The following FILIP1L variants were observed in gnomAD, a reference collection of about 807,000 sequenced individuals.
FILIP1L encodes the protein filamin A-interacting protein 1-like.
Under a neutral mutation model 96.6 loss-of-function variants are expected in FILIP1L, and 55 were observed. The observed-to-expected ratio is 0.57, with a 90% CI of 0.46 to 0.71. The LOEUF (loss-of-function observed/expected upper bound fraction) is 0.71, where lower values mean the gene tolerates loss of function less well. Ranked by LOEUF, FILIP1L falls within the 30% of genes least tolerant of loss-of-function variation. The pLI is 0.00. For synonymous variants in FILIP1L, 467 were observed against 473.9 expected (o/e 0.99, Z 0.19); for missense variants, 1,304 against 1,321.2 (o/e 0.99, Z 0.20).
At chr3:99,983,398 AT>A (rs1709195219) in intron 1 of FILIP1L, among the ~76,000 whole-genome samples, 1 of 109,852 alleles carries the variant, frequency 9.1e-6, no homozygotes, top group Non-Finnish European at 1.8e-5. Context: ...AAATATATAT[AT>A]ATATATATAT....
In FILIP1L at chr3:99,829,286, C is replaced by A. The variant is rs1048686835; in HGVS notation, c.*1128G>T. On this transcript the variant is annotated 3_prime_UTR_variant, in exon 6 of 6. Coordinates refer to ENST00000477258, the MANE Select transcript of FILIP1L (RefSeq NM_001387850.1). ...ATGTTTTTTGAACTGCCTTTTGTGT[C>A]AAACATGCCTTGTCTTAAAATGTCC... 1.3e-5 allele frequency among the ~76,000 whole-genome samples: 2 copies of A among 152,094 alleles called. No individual in the cohort carries two copies. Among genetic ancestry groups the A allele is most frequent in the African/African-American group, 4.8e-5 (2 of 41,386 alleles).
At chr3:100,008,511 G>A (rs1003365808) in intron 1 of FILIP1L, among the ~76,000 whole-genome samples, 10 of 152,168 alleles carry the variant, frequency 6.6e-5, no homozygotes, top group Admixed American at 2.0e-4. Flanking sequence ...AGAATTTAGA[G>A]GAAGTGCTGG....
intron 1 of FILIP1L, among the ~76,000 whole-genome samples, chr3:100,079,124 C>T (rs1259655285): frequency 6.6e-6 from 1 of 152,168 alleles, no homozygotes; most frequent in East Asian, 1.9e-4. Context: ...CCAGGCCTCT[C>T]TCCCCAGTCC....
At chr3:100,111,993 C>T (rs2066499319) in intron 1 of FILIP1L, among the ~76,000 whole-genome samples, 1 of 152,164 alleles carries the variant, frequency 6.6e-6, no homozygotes, top group Admixed American at 6.6e-5. Flanking sequence ...CCATGTTTGC[C>T]TCATTCACTG....
intron 1 of FILIP1L, among the ~76,000 whole-genome samples, chr3:99,983,462 GTGTATATATATATATATATA>G (rs1293364566): frequency 1.3e-3 from 15 of 11,998 alleles, no homozygotes; most frequent in East Asian, 7.8e-3. Context: ...ATATATATGT[GTGTATATATATATATATATA>G]TATATATATA....
intron 1 of FILIP1L, among the ~76,000 whole-genome samples, chr3:100,020,212 C>G (rs1163152151): frequency 6.6e-6 from 1 of 152,078 alleles, no homozygotes; most frequent in Admixed American, 6.6e-5. Flanking sequence ...GCTCCCACAC[C>G]CTCTTTCTGT....
intron 1 of FILIP1L, among the ~76,000 whole-genome samples, chr3:100,080,965 A>T (rs989897839): frequency 1.3e-5 from 2 of 152,224 alleles, no homozygotes; most frequent in Non-Finnish European, 2.9e-5. Context: ...CTGTGTTTGC[A>T]GAAGATAAAA....
chr3:99,986,206 T>G (rs1358550536), intron 1 of FILIP1L, among the ~76,000 whole-genome samples: 1 of 152,228 alleles, frequency 6.6e-6, no homozygotes, highest in Non-Finnish European at 1.5e-5. Flanking sequence ...TAAAGATAGC[T>G]TACATCAATA....
chr3:100,027,783 A>G (rs2064953616), intron 1 of FILIP1L, among the ~76,000 whole-genome samples: 1 of 152,204 alleles, frequency 6.6e-6, no homozygotes, highest in African/African-American at 2.4e-5. Flanking sequence ...TGGGCAAGCA[A>G]TAAGTCAGAG....
Position 99,849,447 on chromosome 3 carries a change from G to A in FILIP1L, c.2229C>T (p.His743=). The change falls in exon 5 of 6, where the codon CAC becomes CAT. Residue 743 remains histidine (H), a synonymous_variant. Transcript: ENST00000477258. ...EDLICHLQGD[H]SVLQKKLNQQ... is the part of the protein sequence containing the mutation. ...GATTTAGTTTTTTTTGCAGGACTGA[G>A]TGATCTCCCTGGAGGTGACATATTA... 1.9e-6 allele frequency: 3 copies of A among 1,614,070 alleles called. No individual in the cohort carries two copies. The South Asian group carries it at 3.3e-5, about 18-fold the overall frequency.
intron 1 of FILIP1L, chr3:100,023,498 A>G (rs1432043643): frequency 6.6e-6 from 1 of 152,664 alleles, no homozygotes; most frequent in Non-Finnish European, 1.5e-5. Flanking sequence ...CTCCGAGTCT[A>G]TAATTTACTA....
At chr3:99,896,166 G>T (rs748415035) in intron 4 of FILIP1L, among the ~76,000 whole-genome samples, 2 of 152,176 alleles carry the variant, frequency 1.3e-5, no homozygotes, top group African/African-American at 4.8e-5. Flanking sequence ...GCTCTCACTG[G>T]CTCCATTCCG....
chr3:99,863,148 A>G (rs1944343781), intron 4 of FILIP1L, among the ~76,000 whole-genome samples: 1 of 152,120 alleles, frequency 6.6e-6, no homozygotes, highest in East Asian at 1.9e-4. Context: ...TGGTTTTGGG[A>G]TGAAACTGTC....
intron 4 of FILIP1L, among the ~76,000 whole-genome samples, chr3:99,917,757 A>G (rs1342245667): frequency 6.6e-6 from 1 of 152,222 alleles, no homozygotes; most frequent in African/African-American, 2.4e-5. Context: ...GTATACCGAA[A>G]TCTAGATGTC....
chr3:99,830,749 T>A lies in FILIP1L; in HGVS notation c.3382-144A>T, dbSNP rs566555379. On this transcript the variant is annotated intron_variant, in intron 5 of 5. Transcript: ENST00000477258. ...ATGTATCAGATCAAAGATCGTCAGGTTGAAGAAAAGAATGTCAGTAAAGTA... is the reference window on the plus strand; with the variant it reads ...ATGTATCAGATCAAAGATCGTCAGGATGAAGAAAAGAATGTCAGTAAAGTA... 1.9e-5 allele frequency: 7 copies of A among 378,052 alleles called. No homozygotes were observed. The East Asian group carries it at 5.1e-4, about 27-fold the overall frequency. 23.4% of individuals were successfully genotyped at this position (378,052 alleles called of 1,614,324 possible).
chr3:99,877,175 A>T (rs1483106367), intron 4 of FILIP1L, among the ~76,000 whole-genome samples: 1 of 152,198 alleles, frequency 6.6e-6, no homozygotes, highest in East Asian at 1.9e-4. Flanking sequence ...TAAATTAGGG[A>T]CGTGGCATTC....
intron 1 of FILIP1L, among the ~76,000 whole-genome samples, chr3:100,076,324 A>C (rs1393127134): frequency 2.0e-5 from 3 of 152,188 alleles, no homozygotes; most frequent in African/African-American, 7.2e-5. Flanking sequence ...TCTTTCTGAA[A>C]GAATGTTTAA....
chr3:99,836,463 A>G (rs1266674047), intron 5 of FILIP1L, among the ~76,000 whole-genome samples: 1 of 152,084 alleles, frequency 6.6e-6, no homozygotes, highest in Non-Finnish European at 1.5e-5. Context: ...GAAATTTTGG[A>G]GATGTTGCTT....
chr3:99,911,851 A>C (rs1053381988), intron 4 of FILIP1L, among the ~76,000 whole-genome samples: 1 of 152,048 alleles, frequency 6.6e-6, no homozygotes, highest in Non-Finnish European at 1.5e-5. Flanking sequence ...TCCTAGTTCC[A>C]AGCATAGTGT....
Sources: gnomAD v4.1 joint callset for allele counts (sites outside exome capture counted in the v4.1 genomes callset) on GRCh38, gnomAD v4.1.1 for gene constraint, MANE v1.5 for transcripts, NCBI Gene and HGNC (gene_info 2026-07-23, HGNC 2026-07-21) for gene names.